Variants in FBXW10 observed in about 807,000 individuals in gnomAD.
FBXW10 encodes the protein F-box/WD repeat-containing protein 10.
Under a neutral mutation model 113.1 loss-of-function variants are expected in FBXW10, and 68 were observed. The ratio of observed to expected loss-of-function variants is 0.60; its 90% CI spans 0.49 to 0.74. The LOEUF (loss-of-function observed/expected upper bound fraction) is 0.74, where lower values mean the gene tolerates loss of function less well. FBXW10 is among the 30% of genes least tolerant of loss of function. The pLI is 0.00. For synonymous variants in FBXW10, 289 were observed against 481.6 expected (o/e 0.60, Z 5.24); for missense variants, 753 against 1,284.5 (o/e 0.59, Z 6.32).
Position 18,744,152 on chromosome 17 carries a change from G to T in FBXW10, c.-93G>T, listed in dbSNP as rs1842840027. The T allele has an allele frequency of 5.2e-6, 8 of 1,527,350 alleles. No individual in the cohort carries two copies. The South Asian group carries it at 6.6e-5, about 13-fold the overall frequency. The allele number at this position is 1,527,350 out of a possible 1,614,324, so 94.6% of individuals were successfully genotyped here. A position where few individuals can be genotyped will look rare whatever the true frequency, so the allele number is the denominator to read the frequency against. ...CGTTTGTAATAGAAAAGGCACAACTGGGGTATTTATTCATTCCCCCCGTTC... is the reference window on the plus strand; with the variant it reads ...CGTTTGTAATAGAAAAGGCACAACTTGGGTATTTATTCATTCCCCCCGTTC... On this transcript the variant is annotated 5_prime_UTR_variant, in exon 1 of 14. Coordinates refer to ENST00000395665, the MANE Select transcript of FBXW10 (RefSeq NM_001267585.2).
In FBXW10 at chr17:18,767,150, G is replaced by A. The variant is rs2035513061; in HGVS notation, c.1704+288G>A. 2.0e-5 allele frequency among the ~76,000 whole-genome samples: 3 copies of A among 152,064 alleles called. 1 individual carries two copies. Among genetic ancestry groups the A allele is most frequent in the Admixed American group, 2.0e-4 (3 of 15,266 alleles). On this transcript the variant is annotated intron_variant, in intron 9 of 13. Transcript: ENST00000395665. Reference sequence around the variant, plus strand: ...TCAGGGCCTTCTAACAGCAGTGGAGGTGAAGTACCTTTTTCTCCTCCAGAG... The same window carrying A: ...TCAGGGCCTTCTAACAGCAGTGGAGATGAAGTACCTTTTTCTCCTCCAGAG...
At chr17:18,773,339 C>T (rs1047325777) in intron 12 of FBXW10, among the ~76,000 whole-genome samples, 19 of 152,260 alleles carry the variant, frequency 1.2e-4, no homozygotes, top group Non-Finnish European at 2.4e-4. Context: ...CCCCCACCCC[C>T]CAAATTCAAA....
chr17:18,776,148 A>G (rs1229419366), intron 13 of FBXW10, among the ~76,000 whole-genome samples: 2 of 152,176 alleles, frequency 1.3e-5, no homozygotes, highest in African/African-American at 4.8e-5. Flanking sequence ...GTGAAACCCC[A>G]TCTCTACTAA....
intron 8 of FBXW10, among the ~76,000 whole-genome samples, chr17:18,765,528 A>T (rs1243015659): frequency 6.6e-6 from 1 of 152,180 alleles, no homozygotes; most frequent in Non-Finnish European, 1.5e-5. Flanking sequence ...TAATAATAGT[A>T]CTTGTCTTGT....
chr17:18,762,833 C>G (rs2151813904), intron 7 of FBXW10, among the ~76,000 whole-genome samples: 1 of 149,976 alleles, frequency 6.7e-6, no homozygotes, highest in African/African-American at 2.5e-5. Context: ...TTTACTAAAT[C>G]TGGAAAGTTC....
intron 1 of FBXW10, among the ~76,000 whole-genome samples, chr17:18,746,546 C>G (rs1377526216): frequency 6.6e-6 from 1 of 152,098 alleles, no homozygotes; most frequent in Non-Finnish European, 1.5e-5. Flanking sequence ...ATATATGTCA[C>G]TTGATTTATT....
chr17:18,775,586 G>A (rs2035684514), intron 13 of FBXW10, among the ~76,000 whole-genome samples: 1 of 152,196 alleles, frequency 6.6e-6, no homozygotes. Context: ...TGAGAAATGG[G>A]CACAATAAAA....
intron 5 of FBXW10, among the ~76,000 whole-genome samples, chr17:18,753,854 G>C (rs2035212883): frequency 6.6e-6 from 1 of 151,690 alleles, no homozygotes; most frequent in Non-Finnish European, 1.5e-5. Flanking sequence ...TCCAGCCTGG[G>C]CAAGAGAGCG....
At chr17:18,750,532 A>C (rs2035146056) in intron 4 of FBXW10, among the ~76,000 whole-genome samples, 1 of 151,962 alleles carries the variant, frequency 6.6e-6, no homozygotes, top group African/African-American at 2.4e-5. Context: ...TTTTTAAGTT[A>C]AAATGAAATT....
rs548250743 is a variant in FBXW10, at chr17:18,772,474, A to G, written c.2069A>G (p.Tyr690Cys). The G allele has an allele frequency of 9.9e-6, 16 of 1,614,072 alleles. No homozygotes were observed. The East Asian group carries it at 1.3e-4, about 13-fold the overall frequency. The change falls in exon 12 of 14, where the codon TAT (tyrosine) becomes TGT (cysteine). Residue 690 changes from tyrosine to cysteine, a missense_variant. Coordinates refer to ENST00000395665, the MANE Select transcript of FBXW10 (RefSeq NM_001267585.2). Reference protein sequence around the residue: ...MFQFEHIKWQYAVEKTKQKKN... With the variant: ...MFQFEHIKWQCAVEKTKQKKN... ...CAGTTTGAGCACATAAAGTGGCAGT[A>G]TGCCGTGGAAAAAACGAAACAAAAG... is the stretch of plus-strand genomic sequence containing the variant.
chr17:18,756,123 G>A lies in FBXW10; in HGVS notation c.1201G>A (p.Gly401Arg). 2 of 1,613,954 alleles carry A rather than the reference G, an allele frequency of 1.2e-6. No homozygotes were observed. The highest frequency in any genetic ancestry group is 1.3e-5 in the African/African-American group (1 of 75,040). The change falls in exon 6 of 14, where the codon GGG becomes AGG. Residue 401 changes from glycine (G) to arginine (R), a missense_variant. Gly to Arg is a moderately radical substitution (Grantham distance 125). Coordinates refer to ENST00000395665, the MANE Select transcript of FBXW10 (RefSeq NM_001267585.2). ...GATAGAGGAGAGAAATGTTTTCTGT[G>A]GGACCTACAATGTTCGCATTCTCTC... ...VLIEERNVFC[G>R]TYNVRILSDT...
chr17:18,777,809 T>C (rs113034979), intron 13 of FBXW10, among the ~76,000 whole-genome samples: 70,723 of 151,166 alleles, frequency 0.47, 16,791 homozygotes, highest in Non-Finnish European at 0.5. Context: ...TCCCAAAGTG[T>C]GGGGATTACA....
At chr17:18,749,043 A>C (rs1477906297) in intron 2 of FBXW10, among the ~76,000 whole-genome samples, 1 of 152,222 alleles carries the variant, frequency 6.6e-6, no homozygotes, top group Non-Finnish European at 1.5e-5. Flanking sequence ...ATAACCACCC[A>C]CATAGCACTG....
At chr17:18,777,566 C>G (rs2035725465) in intron 13 of FBXW10, among the ~76,000 whole-genome samples, 1 of 146,500 alleles carries the variant, frequency 6.8e-6, no homozygotes, top group South Asian at 2.2e-4. Context: ...TTTTTTGAGA[C>G]TGAGTCTTGC....
chr17:18,768,362 G>A (rs55828488), intron 9 of FBXW10, among the ~76,000 whole-genome samples, 172 bp from the exon 10 acceptor site: 53,712 of 151,960 alleles, frequency 0.35, 10,174 homozygotes, highest in Non-Finnish European at 0.44. Flanking sequence ...CACCGCACCC[G>A]GCCTCCATCG....
intron 1 of FBXW10, among the ~76,000 whole-genome samples, chr17:18,747,609 G>A (rs1176750043): frequency 6.6e-6 from 1 of 152,070 alleles, no homozygotes; most frequent in East Asian, 1.9e-4. Context: ...ATTTTGACTC[G>A]AGGGTGGTTA....
At chr17:18,770,270 C>T (rs182508390) in intron 11 of FBXW10, among the ~76,000 whole-genome samples, 185 bp downstream of exon 11, 1 of 150,026 alleles carries the variant, frequency 6.7e-6, no homozygotes, top group South Asian at 2.1e-4. Context: ...TTGCACAAAA[C>T]TTAGTAATCA....
At chr17:18,770,345 A>T (rs1326265455) in intron 11 of FBXW10, among the ~76,000 whole-genome samples, 1 of 149,882 alleles carries the variant, frequency 6.7e-6, no homozygotes, top group Non-Finnish European at 1.5e-5. Flanking sequence ...ACTCTGTCGC[A>T]CAGGCTGGAG....
Position 18,764,895 on chromosome 17 carries a change from A to C in FBXW10, c.1555+32A>C, listed in dbSNP as rs1234164178. 3 of 1,613,672 alleles carry C rather than the reference A, an allele frequency of 1.9e-6. No homozygotes were observed. The African/African-American group carries it at 4.0e-5, about 22-fold the overall frequency. On this transcript the variant is annotated intron_variant, in intron 8 of 13. Transcript: ENST00000395665. ...AAGAAGTGCCTTAAATTTTCTAAGA[A>C]GTTTCCCCCGACCCACGGGTTACCA...
Sources: allele counts gnomAD v4.1 joint callset (sites outside exome capture counted in the v4.1 genomes callset), GRCh38; gene constraint gnomAD v4.1.1; transcripts MANE v1.5; gene names NCBI Gene and HGNC (gene_info 2026-07-23, HGNC 2026-07-21).